The following TCF4 variants were observed in gnomAD, a reference collection of about 807,000 sequenced individuals.
TCF4 encodes the protein SL3-3 enhancer factor 2.
In TCF4, 3 loss-of-function variants were observed where a neutral mutation model predicts 82.1. The ratio of observed to expected loss-of-function variants is 0.04; its 90% CI spans 0.02 to 0.09. The LOEUF is 0.09. Ranked by LOEUF, TCF4 falls within the 10% of genes least tolerant of loss-of-function variation. The pLI is 1.00. For missense variants in TCF4, 518 were observed against 852.7 expected (o/e 0.61, Z 4.89); for synonymous variants, 276 against 309.6 (o/e 0.89, Z 1.14).
At chr18:55,534,907 G>T (rs2097101869) in intron 3 of TCF4, among the ~76,000 whole-genome samples, 1 of 152,190 alleles carries the variant, frequency 6.6e-6, no homozygotes, top group Non-Finnish European at 1.5e-5. Context: ...ATGAATGAAT[G>T]AGAAAAACTA....
In TCF4 at chr18:55,259,959, T is replaced by C. The variant is rs1298461061; in HGVS notation, c.1059A>G (p.Pro353=). The C allele has an allele frequency of 1.2e-6, 2 of 1,611,812 alleles. No individual in the cohort carries two copies. The highest frequency in any genetic ancestry group is 2.2e-5 in the East Asian group (1 of 44,814). The change falls in exon 13 of 20, where the codon CCA becomes CCG. Residue 353 remains proline, a synonymous_variant. Transcript: ENST00000354452. The stretch of plus-strand genomic sequence containing the variant: ...TTTGAAATACACTACCTGAGAGAGA[T>C]GGAGGAGAGCCAACAGGAGTTGAAG... ...SNPSTPVGSP[P]SLSAGTAVWS... is the part of the protein sequence containing the mutation.
intron 6 of TCF4, 63 bp downstream of exon 6, chr18:55,403,391 G>T: frequency 6.3e-7 from 1 of 1,586,270 alleles, no homozygotes; most frequent in Non-Finnish European, 8.7e-7. Context: ...ATCTAATTTA[G>T]AAAACAAACT....
chr18:55,399,407 T>C (rs1229651025), intron 6 of TCF4, among the ~76,000 whole-genome samples: 4 of 152,182 alleles, frequency 2.6e-5, no homozygotes, highest in Admixed American at 2.6e-4. Context: ...ATGTAAACAT[T>C]AAATAACTGT....
At chr18:55,462,682 A>G (rs1297222945) in intron 4 of TCF4, among the ~76,000 whole-genome samples, 54 of 152,234 alleles carry the variant, frequency 3.5e-4, no homozygotes, top group Non-Finnish European at 1.2e-4. Context: ...TGGATAAATC[A>G]TAAGAAATTG....
chr18:55,554,369 T>C (rs1181577265), intron 3 of TCF4, among the ~76,000 whole-genome samples: 4 of 152,130 alleles, frequency 2.6e-5, no homozygotes, highest in African/African-American at 7.2e-5. Context: ...TTATAGTTTA[T>C]TAATAAAACA....
chr18:55,605,614 A>T (rs1378379904), intron 2 of TCF4, among the ~76,000 whole-genome samples: 1 of 152,230 alleles, frequency 6.6e-6, no homozygotes, highest in African/African-American at 2.4e-5. Context: ...AACTGGAAAC[A>T]TAAAAAAGAC....
chr18:55,596,541 G>A (rs760919327), intron 2 of TCF4, among the ~76,000 whole-genome samples: 8 of 152,204 alleles, frequency 5.3e-5, no homozygotes, highest in Admixed American at 1.3e-4. Context: ...TTCATATGTC[G>A]ACTAAAGTGT....
At chr18:55,453,699 G>C (rs2095672786) in intron 5 of TCF4, among the ~76,000 whole-genome samples, 1 of 152,184 alleles carries the variant, frequency 6.6e-6, no homozygotes. Context: ...AGACCAATGA[G>C]AGAAGAATGG....
chr18:55,277,687 A>G (rs1194627533), intron 9 of TCF4, among the ~76,000 whole-genome samples: 1 of 152,004 alleles, frequency 6.6e-6, no homozygotes, highest in East Asian at 1.9e-4. Context: ...CTGCTAGGGA[A>G]AGGAGCCTAC....
At chr18:55,475,434 A>G (rs1603511651) in intron 3 of TCF4, among the ~76,000 whole-genome samples, 1 of 152,174 alleles carries the variant, frequency 6.6e-6, no homozygotes, top group Admixed American at 6.5e-5. Flanking sequence ...TGCTATGCCA[A>G]TTTTGATCAC....
intron 8 of TCF4, among the ~76,000 whole-genome samples, chr18:55,326,099 CA>C (rs1201602796): frequency 6.6e-6 from 1 of 152,060 alleles, no homozygotes; most frequent in Non-Finnish European, 1.5e-5. Context: ...TTTTATAGAT[CA>C]AAAGCTACTA....
At chr18:55,268,831 T>G (rs1158223291) in intron 11 of TCF4, 1 of 151,928 alleles carries the variant, frequency 6.6e-6, no homozygotes, top group Non-Finnish European at 1.5e-5. Flanking sequence ...AGACATACAC[T>G]GAGTATTCTC....
At chr18:55,324,573 C>T (rs2076239743) in intron 8 of TCF4, among the ~76,000 whole-genome samples, 1 of 151,972 alleles carries the variant, frequency 6.6e-6, no homozygotes, top group South Asian at 2.1e-4. Flanking sequence ...TTTACAGGAC[C>T]CTGAACTAGT....
intron 5 of TCF4, among the ~76,000 whole-genome samples, chr18:55,431,106 G>A (rs771462255): frequency 4.6e-5 from 7 of 152,196 alleles, no homozygotes; most frequent in Non-Finnish European, 1.0e-4. Context: ...GGGTTGTCAA[G>A]AGAATAAAAA....
chr18:55,238,488 T>A (rs2050213873), intron 15 of TCF4, among the ~76,000 whole-genome samples: 1 of 152,194 alleles, frequency 6.6e-6, no homozygotes, highest in Non-Finnish European at 1.5e-5. Flanking sequence ...GTGGTCCTGG[T>A]TTTTGTGGAA....
At chr18:55,323,982 T>C (rs2076143844) in intron 8 of TCF4, among the ~76,000 whole-genome samples, 1 of 152,248 alleles carries the variant, frequency 6.6e-6, no homozygotes, top group African/African-American at 2.4e-5. Context: ...TATGTAAATA[T>C]AAACCAAATT....
At chr18:55,443,371 G>A (rs1305788601) in intron 5 of TCF4, among the ~76,000 whole-genome samples, 13 of 152,210 alleles carry the variant, frequency 8.5e-5, no homozygotes, top group Admixed American at 2.0e-4. Flanking sequence ...CTTGGCAAGC[G>A]GTTTGTAAAG....
At position 55,510,509 on chromosome 18, in the gene TCF4, A is replaced by G. The variant is rs9954890; in HGVS notation, c.146-46372T>C. Reference sequence around the variant, plus strand: ...TCCAGCAATTCAAACTTCTAAGGATACAGAAGTCGATAGATCAAACATTTT... The same window carrying G: ...TCCAGCAATTCAAACTTCTAAGGATGCAGAAGTCGATAGATCAAACATTTT... On this transcript the variant is annotated intron_variant, in intron 3 of 19. Transcript: ENST00000354452. 96 of 1,193,792 alleles carry G rather than the reference A, an allele frequency of 8.0e-5. 1 individual carries two copies. Among genetic ancestry groups the G allele is most frequent in the Non-Finnish European group, 1.2e-5 (11 of 880,270 alleles). 73.9% of individuals were successfully genotyped at this position (1,193,792 alleles called of 1,614,324 possible). A position where few individuals can be genotyped will look rare whatever the true frequency, so the allele number is the denominator to read the frequency against.
intron 5 of TCF4, among the ~76,000 whole-genome samples, chr18:55,426,377 G>A (rs184650283): frequency 6.6e-5 from 10 of 152,128 alleles, no homozygotes; most frequent in Admixed American, 5.2e-4. Context: ...CTACTTCTTT[G>A]GGGAAGACAG....
Sources: gnomAD v4.1 joint callset for allele counts (sites outside exome capture counted in the v4.1 genomes callset) on GRCh38, gnomAD v4.1.1 for gene constraint, MANE v1.5 for transcripts, NCBI Gene and HGNC (gene_info 2026-07-23, HGNC 2026-07-21) for gene names.